STXBP5L: variants seen among roughly 807,000 people sequenced by gnomAD.
The protein encoded by STXBP5L is syntaxin binding protein 5L.
Under a neutral mutation model 144.5 loss-of-function variants are expected in STXBP5L, and 65 were observed. The observed-to-expected ratio is 0.45, with a 90% confidence interval of 0.37 to 0.55. The LOEUF (loss-of-function observed/expected upper bound fraction) is 0.55, where lower values mean the gene tolerates loss of function less well. Ranked by LOEUF, STXBP5L falls within the 20% of genes least tolerant of loss-of-function variation. The probability of loss-of-function intolerance (pLI) is 0.00; values close to 1 mark genes in which losing one functional copy is unlikely to be tolerated. For synonymous variants in STXBP5L, 505 were observed against 469.6 expected (o/e 1.08, Z -0.97); for missense variants, 1,298 against 1,405.5 (o/e 0.92, Z 1.22).
At chr3:120,973,967 G>T (rs1373807774) in intron 3 of STXBP5L, among the ~76,000 whole-genome samples, 1 of 152,110 alleles carries the variant, frequency 6.6e-6, no homozygotes, top group Non-Finnish European at 1.5e-5. Context: ...TTGGTTCCAA[G>T]TCTTTGCTAT....
chr3:120,966,470 A>C (rs899276306), intron 3 of STXBP5L, among the ~76,000 whole-genome samples: 2 of 152,048 alleles, frequency 1.3e-5, no homozygotes, highest in African/African-American at 4.8e-5. Flanking sequence ...GTTTTGGTGT[A>C]GATGACCTTT....
chr3:121,086,041 A>C (rs1247327347), intron 5 of STXBP5L, among the ~76,000 whole-genome samples: 1 of 152,138 alleles, frequency 6.6e-6, no homozygotes, highest in Non-Finnish European at 1.5e-5. Flanking sequence ...TCTTAGACAA[A>C]CCTAACAAAA....
intron 7 of STXBP5L, among the ~76,000 whole-genome samples, chr3:121,123,178 C>T (rs554783457): frequency 3.3e-5 from 5 of 151,386 alleles, no homozygotes; most frequent in Non-Finnish European, 7.4e-5. Flanking sequence ...ATGTTAAACA[C>T]TAAAAATATT....
chr3:121,244,068 G>T (rs1341885964), intron 14 of STXBP5L, among the ~76,000 whole-genome samples: 1 of 151,696 alleles, frequency 6.6e-6, no homozygotes, highest in African/African-American at 2.4e-5. Context: ...ATGGGAAAAG[G>T]GTTAAAGAAA....
intron 7 of STXBP5L, among the ~76,000 whole-genome samples, chr3:121,133,560 A>G (rs1046731921): frequency 5.3e-5 from 8 of 152,208 alleles, no homozygotes; most frequent in African/African-American, 1.9e-4. Flanking sequence ...TAAGAGAGAT[A>G]AAACCTTTCC....
intron 5 of STXBP5L, among the ~76,000 whole-genome samples, chr3:121,094,660 G>A (rs544206545): frequency 2.6e-5 from 4 of 152,114 alleles, no homozygotes; most frequent in East Asian, 1.9e-4. Flanking sequence ...TTGAGCCTAT[G>A]TGTGTCTCTG....
At chr3:121,382,139 C>T (rs2046337337) in intron 22 of STXBP5L, among the ~76,000 whole-genome samples, 1 of 152,008 alleles carries the variant, frequency 6.6e-6, no homozygotes, top group Non-Finnish European at 1.5e-5. Flanking sequence ...ATGATTCCTC[C>T]TGTTATTCCT....
At chr3:121,090,196 G>T (rs1205061616) in intron 5 of STXBP5L, among the ~76,000 whole-genome samples, 3 of 151,900 alleles carry the variant, frequency 2.0e-5, no homozygotes, top group Non-Finnish European at 2.9e-5. Flanking sequence ...CCTTTTTTAG[G>T]TGGTTGTATT....
At chr3:121,129,426 CAA>C (rs75294351) in intron 7 of STXBP5L, among the ~76,000 whole-genome samples, 8 of 116,044 alleles carry the variant, frequency 6.9e-5, no homozygotes, top group Non-Finnish European at 5.6e-5. Flanking sequence ...GTAGGTTTTG[CAA>C]AAAAAAAAAA....
At chr3:121,181,670 G>T (rs890744216) in intron 9 of STXBP5L, among the ~76,000 whole-genome samples, 11 of 151,624 alleles carry the variant, frequency 7.3e-5, no homozygotes, top group Non-Finnish European at 1.5e-4. Context: ...AGAGGCAGTT[G>T]GAGGCTTCAG....
rs144906970 is a variant in STXBP5L at position 121,332,010 on chromosome 3, G to A, written c.2176+13470G>A. 4.6e-3 allele frequency among the ~76,000 whole-genome samples: 701 copies of A among 150,966 alleles called. 4 individuals are homozygous for A. The highest frequency in any genetic ancestry group is 0.016 in the African/African-American group (661 of 41,052). On this transcript the variant is annotated intron_variant, in intron 20 of 26. Transcript: ENST00000471454. ...ATACAGAGTCTTCACCTCTGAAAGC[G>A]CCCAGAGCCAAATTAGGTTACAAAA...
At chr3:121,142,911 A>C (rs1481237571) in intron 7 of STXBP5L, among the ~76,000 whole-genome samples, 1 of 151,824 alleles carries the variant, frequency 6.6e-6, no homozygotes, top group Non-Finnish European at 1.5e-5. Flanking sequence ...GAAATGGATA[A>C]AAAAATCAAC....
intron 3 of STXBP5L, among the ~76,000 whole-genome samples, chr3:121,040,775 T>C (rs1484799057): frequency 2.0e-5 from 3 of 152,140 alleles, no homozygotes; most frequent in African/African-American, 7.2e-5. Flanking sequence ...AAACTGGGGC[T>C]ATCATAAGCC....
At chr3:120,993,636 C>T (rs1211660157) in intron 3 of STXBP5L, among the ~76,000 whole-genome samples, 2 of 151,962 alleles carry the variant, frequency 1.3e-5, no homozygotes, top group East Asian at 3.9e-4. Flanking sequence ...TTTGTGAATT[C>T]TGTGTTCTGT....
At chr3:121,178,716 T>C (rs1365552915) in intron 9 of STXBP5L, among the ~76,000 whole-genome samples, 2 of 152,078 alleles carry the variant, frequency 1.3e-5, no homozygotes, top group African/African-American at 4.8e-5. Flanking sequence ...ATTTAGGGAA[T>C]GGTGCAAAAT....
At chr3:121,095,397 A>G (rs983850407) in intron 5 of STXBP5L, among the ~76,000 whole-genome samples, 2 of 152,164 alleles carry the variant, frequency 1.3e-5, no homozygotes, top group African/African-American at 2.4e-5. Context: ...ACGTGGTTCC[A>G]TGCTCCCCGT....
At chr3:121,151,358 G>C (rs570691427) in intron 7 of STXBP5L, among the ~76,000 whole-genome samples, 2 of 152,078 alleles carry the variant, frequency 1.3e-5, no homozygotes, top group Non-Finnish European at 2.9e-5. Flanking sequence ...TAATAACCAA[G>C]CATTTTTGTT....
chr3:121,346,961 A>C (rs1353932303), intron 20 of STXBP5L, among the ~76,000 whole-genome samples: 1 of 152,112 alleles, frequency 6.6e-6, no homozygotes, highest in Admixed American at 6.6e-5. Context: ...GTTTAATTAG[A>C]TCCCATTTGT....
intron 7 of STXBP5L, among the ~76,000 whole-genome samples, chr3:121,143,582 A>AGT (rs1485116842): frequency 2.0e-5 from 3 of 151,914 alleles, no homozygotes; most frequent in Non-Finnish European, 4.4e-5. Flanking sequence ...TAATTAATGT[A>AGT]GTATGACAAT....
Sources: gnomAD v4.1 joint callset for allele counts (sites outside exome capture counted in the v4.1 genomes callset) on GRCh38, gnomAD v4.1.1 for gene constraint, MANE v1.5 for transcripts, NCBI Gene and HGNC (gene_info 2026-07-23, HGNC 2026-07-21) for gene names.